The following ACTR3C variants were observed in gnomAD, a reference collection of about 807,000 sequenced individuals.
ACTR3C encodes actin-related protein 3C.
Under a neutral mutation model 26.3 loss-of-function variants are expected in ACTR3C, and 18 were observed. The observed-to-expected ratio is 0.68, with a 90% CI of 0.47 to 1.01. ACTR3C has a LOEUF of 1.01. Ranked by LOEUF, ACTR3C falls within the 50% of genes least tolerant of loss-of-function variation. ACTR3C has a pLI of 0.00. For synonymous variants in ACTR3C, 55 were observed against 94.5 expected (o/e 0.58, Z 2.42); for missense variants, 184 against 250.7 (o/e 0.73, Z 1.80).
At chr7:149,903,432 C>T in the ACTR3C span, among the ~76,000 whole-genome samples, 64 of 151,856 alleles carry the variant, frequency 4.2e-4, no homozygotes, top group African/African-American at 1.5e-3. Flanking sequence ...TTCCCATATG[C>T]TGGCAATAAT....
At chr7:150,056,701 G>A in the ACTR3C span, among the ~76,000 whole-genome samples, 2 of 149,440 alleles carry the variant, frequency 1.3e-5, no homozygotes, top group Non-Finnish European at 3.0e-5. Flanking sequence ...CCCCGAATTT[G>A]TGCTCTGAGT....
chr7:149,962,399 A>G, the ACTR3C span, among the ~76,000 whole-genome samples: 1 of 152,174 alleles, frequency 6.6e-6, no homozygotes, highest in Admixed American at 6.5e-5. Flanking sequence ...CACCATTTGG[A>G]TCTGCACAGA....
the ACTR3C span, among the ~76,000 whole-genome samples, chr7:150,224,984 C>A: frequency 6.7e-6 from 1 of 149,856 alleles, no homozygotes; most frequent in Non-Finnish European, 1.5e-5. Flanking sequence ...GCTCTGTGCA[C>A]CTTTGGCCAC....
At chr7:149,971,091 C>G in the ACTR3C span, among the ~76,000 whole-genome samples, 1 of 152,198 alleles carries the variant, frequency 6.6e-6, no homozygotes, top group East Asian at 1.9e-4. Context: ...ACCGATGGCT[C>G]TGCTAGGGAG....
the ACTR3C span, among the ~76,000 whole-genome samples, chr7:150,056,467 C>T: frequency 1.3e-5 from 2 of 152,160 alleles, no homozygotes; most frequent in African/African-American, 4.8e-5. Flanking sequence ...ATAGGTTTGT[C>T]TATACTACTA....
chr7:150,125,171 T>C, the ACTR3C span, among the ~76,000 whole-genome samples: 9 of 152,174 alleles, frequency 5.9e-5, no homozygotes, highest in African/African-American at 2.2e-4. Flanking sequence ...ATAACGTTCT[T>C]ATTTTGACCA....
At chr7:149,897,108 A>T in the ACTR3C span, among the ~76,000 whole-genome samples, 3 of 151,918 alleles carry the variant, frequency 2.0e-5, no homozygotes, top group Non-Finnish European at 4.4e-5. Context: ...TGCCTTTCAG[A>T]ATATCCACAG....
At chr7:150,036,161 TC>T in the ACTR3C span, among the ~76,000 whole-genome samples, 515 of 121,598 alleles carry the variant, frequency 4.2e-3, 41 homozygotes, top group South Asian at 0.044. Flanking sequence ...GGGGGGTGCC[TC>T]CCCCCCCGCG....
the ACTR3C span, among the ~76,000 whole-genome samples, chr7:149,993,883 G>T: frequency 8.5e-5 from 13 of 152,296 alleles, no homozygotes; most frequent in African/African-American, 1.9e-4. Context: ...AAATCCGATC[G>T]CATGTTGAGT....
At chr7:149,917,533 T>G in the ACTR3C span, among the ~76,000 whole-genome samples, 1 of 152,050 alleles carries the variant, frequency 6.6e-6, no homozygotes, top group Non-Finnish European at 1.5e-5. Flanking sequence ...TAATTGAAAC[T>G]CCTCTTCCAA....
the ACTR3C span, among the ~76,000 whole-genome samples, chr7:150,138,557 T>C: frequency 6.6e-6 from 1 of 152,252 alleles, no homozygotes; most frequent in African/African-American, 2.4e-5. Flanking sequence ...GATAAAGTCT[T>C]CTGGAGAAGC....
chr7:150,123,913 G>A, the ACTR3C span, among the ~76,000 whole-genome samples: 2 of 152,184 alleles, frequency 1.3e-5, no homozygotes, highest in Admixed American at 1.3e-4. Context: ...TGGCAAGGCT[G>A]AGCTCTCCTG....
the ACTR3C span, among the ~76,000 whole-genome samples, chr7:150,209,248 C>CAGAGAGAGAGACAGAAACAG: frequency 7.2e-6 from 1 of 137,954 alleles, no homozygotes; most frequent in Non-Finnish European, 1.5e-5. Context: ...CAGAGAGAGA[C>CAGAGAGAGAGACAGAAACAG]AGAGAGAGAG....
chr7:150,164,668 G>T, the ACTR3C span, among the ~76,000 whole-genome samples: 11 of 152,056 alleles, frequency 7.2e-5, no homozygotes, highest in Non-Finnish European at 1.3e-4. Flanking sequence ...TGCTGGAAGA[G>T]GGGTAATCAG....
the ACTR3C span, among the ~76,000 whole-genome samples, chr7:150,088,818 G>A: frequency 1.6e-4 from 25 of 152,098 alleles, no homozygotes; most frequent in East Asian, 3.7e-3. Flanking sequence ...TCATTTCCTC[G>A]TCTGTGAAAT....
the ACTR3C span, among the ~76,000 whole-genome samples, chr7:150,162,954 C>T: frequency 6.6e-6 from 1 of 152,062 alleles, no homozygotes; most frequent in Non-Finnish European, 1.5e-5. Flanking sequence ...GAGTTCGAGA[C>T]CAGTCTGGCC....
intron 3 of ACTR3C, among the ~76,000 whole-genome samples, chr7:150,292,994 G>T (rs1241541174): frequency 6.6e-6 from 1 of 152,144 alleles, no homozygotes; most frequent in Non-Finnish European, 1.5e-5. Context: ...ACACCCACGG[G>T]GATCAAGCAG....
chr7:150,237,310 C>T, the ACTR3C span, among the ~76,000 whole-genome samples: 4 of 152,326 alleles, frequency 2.6e-5, no homozygotes, highest in African/African-American at 7.2e-5. Context: ...CAAGCACCTA[C>T]GTTGGCTGCC....
chr7:150,190,294 T>G, the ACTR3C span, among the ~76,000 whole-genome samples: 1 of 152,240 alleles, frequency 6.6e-6, no homozygotes, highest in Non-Finnish European at 1.5e-5. Context: ...GCTCATTACA[T>G]GTCTAGAGTC....
Sources: gnomAD v4.1 joint callset for allele counts (sites outside exome capture counted in the v4.1 genomes callset) on GRCh38, gnomAD v4.1.1 for gene constraint, MANE v1.5 for transcripts, NCBI Gene and HGNC (gene_info 2026-07-23, HGNC 2026-07-21) for gene names.